CDH24: variants seen among roughly 807,000 people sequenced by gnomAD.
CDH24 encodes the protein cadherin 24, also known as cadherin-24.
Under a neutral mutation model 71.2 loss-of-function variants are expected in CDH24, and 61 were observed. The observed-to-expected ratio is 0.86, with a 90% CI of 0.70 to 1.06. The LOEUF is 1.06. Among genes scored for constraint, CDH24 ranks in the 50% least tolerant of loss-of-function variants. The pLI is 0.00. For missense variants in CDH24, 961 were observed against 1,083.7 expected (o/e 0.89, Z 1.59); for synonymous variants, 440 against 470.2 (o/e 0.94, Z 0.83).
Position 23,049,070 on chromosome 14 carries a change from G to A in CDH24, c.1803C>T (p.Thr601=), listed in dbSNP as rs778969842. Residue 601 remains threonine (T), a synonymous_variant, in exon 11 of 13, where the codon ACC becomes ACT. Coordinates refer to ENST00000487137, the MANE Select transcript of CDH24 (RefSeq NM_144985.4). Reference sequence around the variant, plus strand: ...AGGTGATGATGGCAAGCAGGGCGCCGGTGCTGAGCCCAGCAGCTGAGAGGT... The same window carrying A: ...AGGTGATGATGGCAAGCAGGGCGCCAGTGCTGAGCCCAGCAGCTGAGAGGT... ...EAHLSAAGLS[T]GALLAIITCV... 9.6e-5 allele frequency: 154 copies of A among 1,612,522 alleles called. No homozygotes were observed. Among genetic ancestry groups the A allele is most frequent in the Non-Finnish European group, 1.2e-4 (142 of 1,179,876 alleles).
rs1408563914 is a variant in CDH24, at chr14:23,050,011, T to C, written c.1364-68A>G. ...CACAGTTTACACGTAACATATGTGG[T>C]GCATGGGCATGGATGCCACATGAAG... On this transcript the variant is annotated intron_variant, in intron 8 of 12. Transcript: ENST00000487137. 1.9e-6 allele frequency: 3 copies of C among 1,572,390 alleles called. No homozygotes were observed. In the East Asian group the frequency reaches 6.8e-5, roughly 36 times the overall value.
In CDH24 at chr14:23,055,723, A is replaced by G; in HGVS notation, c.11T>C (p.Leu4Pro). The change falls in exon 2 of 13, where the codon CTG (leucine) becomes CCG (proline). Residue 4 changes from leucine (L) to proline (P), a missense_variant. Transcript: ENST00000487137. This position sits in a 1 kb window ranked among gnomAD's most constrained non-coding sequence, Gnocchi z 4.1. MWG[L>P]VRLLLAWLGG... ...CAGCCAGGCCAGCAGGAGCCTCACC[A>G]GGCCCCACATGTTTGGACTCCAGCC... 1 of 1,585,726 alleles carries G rather than the reference A, an allele frequency of 6.3e-7. No homozygotes were observed. The highest frequency in any genetic ancestry group is 8.5e-7 in the Non-Finnish European group (1 of 1,171,056).
In CDH24 at chr14:23,054,632, G is replaced by T. The variant is rs146656935; in HGVS notation, c.658C>A (p.Gln220Lys). Reference protein sequence around the residue: ...TAIPNMDRETQEEFLVVIQAK... With the variant: ...TAIPNMDRETKEEFLVVIQAK... ...TGGATCACCACCAAGAACTCCTCCT[G>T]TGTCTCCCGGTCCATGTTGGGGATG... The change falls in exon 5 of 13, where the codon CAG becomes AAG. Residue 220 changes from glutamine (Q) to lysine (K), a missense_variant. Around this residue, in one of 2 missense-constraint regions of CDH24, gnomAD observed 671 missense variants for 810.9 expected, o/e 0.83. Transcript: ENST00000487137. The surrounding 1 kb of genome is among the most constrained non-coding windows in gnomAD (Gnocchi z 5.2). 11 of 1,614,078 alleles carry T rather than the reference G, an allele frequency of 6.8e-6. No homozygotes were observed. The highest frequency in any genetic ancestry group is 9.3e-6 in the Non-Finnish European group (11 of 1,179,990).
rs779130043 is a variant in CDH24 at position 23,051,979 on chromosome 14, T to C, written c.1363+494A>G. The C allele has an allele frequency of 1.3e-6, 2 of 1,569,692 alleles. No individual in the cohort carries two copies. The highest frequency in any genetic ancestry group is 1.7e-6 in the Non-Finnish European group (2 of 1,154,394). ...GTGTCCACTCCCCTACCTTGGGGGA[T>C]TCCCACAGCGCTTCCAACAGGGCTT... is the stretch of plus-strand genomic sequence containing the variant. On this transcript the variant is annotated intron_variant, in intron 8 of 12. Transcript: ENST00000487137. This position sits in a 1 kb window ranked among gnomAD's most constrained non-coding sequence, Gnocchi z 4.4.
rs201573362 is a variant in CDH24, at chr14:23,049,141, G to T, written c.1732C>A (p.Arg578Ser). The T allele has an allele frequency of 6.3e-7, 1 of 1,599,384 alleles. No individual in the cohort carries two copies. The highest frequency in any genetic ancestry group is 2.3e-5 in the East Asian group (1 of 44,006). ...STATVTVSVC[R>S]CQPDGSVASC... The stretch of plus-strand genomic sequence containing the variant: ...GCCACAGAGCCGTCAGGCTGGCAGC[G>T]GCACACACTAACAGTCACTGTGGCA... Residue 578 changes from arginine to serine, a missense_variant, in exon 11 of 13, where the codon CGC becomes AGC. Physicochemically the swap from Arg to Ser is moderately radical, Grantham distance 110. Coordinates refer to ENST00000487137, the MANE Select transcript of CDH24 (RefSeq NM_144985.4).
Position 23,051,988 on chromosome 14 carries a change from C to T in CDH24, c.1363+485G>A, listed in dbSNP as rs777200420. The T allele has an allele frequency of 1.3e-5, 21 of 1,580,256 alleles. No homozygotes were observed. The highest frequency in any genetic ancestry group is 1.2e-4 in the East Asian group (5 of 43,450). Reference sequence around the variant, plus strand: ...CCCCTACCTTGGGGGATTCCCACAGCGCTTCCAACAGGGCTTCTCTGGGGT... The same window carrying T: ...CCCCTACCTTGGGGGATTCCCACAGTGCTTCCAACAGGGCTTCTCTGGGGT... On this transcript the variant is annotated intron_variant, in intron 8 of 12. Coordinates refer to ENST00000487137, the MANE Select transcript of CDH24 (RefSeq NM_144985.4). The surrounding 1 kb of genome is among the most constrained non-coding windows in gnomAD (Gnocchi z 4.4).
rs1320617385 is a variant in CDH24 at position 23,053,732 on chromosome 14, G to A, written c.990C>T (p.Ser330=). The A allele has an allele frequency of 2.5e-6, 4 of 1,607,172 alleles. No individual in the cohort carries two copies. Among genetic ancestry groups the A allele is most frequent in the African/African-American group, 2.7e-5 (2 of 74,870 alleles). Residue 330 remains serine, a synonymous_variant, in exon 7 of 13, where the codon AGC becomes AGT. Transcript: ENST00000487137. ...LTVRKPLDFE[S]QRSYSFRVEA... is the part of the protein sequence containing the mutation. The stretch of plus-strand genomic sequence containing the variant: ...CGACACGGAAGGAGTAGGAGCGCTG[G>A]CTCTCAAAGTCTAGGGGCTATGGTG...
rs188267728 is a variant in CDH24 at position 23,050,081 on chromosome 14, C to T, written c.1364-138G>A. The stretch of plus-strand genomic sequence containing the variant: ...ACACATGAAATATGCATGTAATGTA[C>T]AGGTAGAAAACAATGTTGCAGAATG... On this transcript the variant is annotated intron_variant, in intron 8 of 12. Transcript: ENST00000487137. 48 of 1,224,008 alleles carry T rather than the reference C, an allele frequency of 3.9e-5. No individual in the cohort carries two copies. In the Admixed American group the frequency reaches 7.6e-4, roughly 19 times the overall value. The allele number at this position is 1,224,008 out of a possible 1,614,324, so 75.8% of individuals were successfully genotyped here. A position where few individuals can be genotyped will look rare whatever the true frequency, so the allele number is the denominator to read the frequency against.
At chr14:23,049,329 T>C (rs1436835694) in intron 10 of CDH24, 54 bp from the exon 11 acceptor site, 1 of 1,504,994 alleles carries the variant, frequency 6.6e-7, no homozygotes, top group Non-Finnish European at 8.9e-7. Flanking sequence ...CCAGGTAGGG[T>C]TGGTCCAGCC....
chr14:23,050,518 C>CAT (rs997739216), intron 8 of CDH24, among the ~76,000 whole-genome samples: 8 of 151,770 alleles, frequency 5.3e-5, no homozygotes, highest in African/African-American at 1.9e-4. Flanking sequence ...CACACACACA[C>CAT]ACACACACAC....
Position 23,047,729 on chromosome 14 carries a change from A to C in CDH24, c.*251T>G. 6.1e-6 allele frequency: 2 copies of C among 329,688 alleles called. No homozygotes were observed. The highest frequency in any genetic ancestry group is 1.1e-5 in the Non-Finnish European group (2 of 181,936). 20.4% of individuals were successfully genotyped at this position (329,688 alleles called of 1,614,324 possible). On this transcript the variant is annotated 3_prime_UTR_variant, in exon 12 of 13. Transcript: ENST00000487137. Reference sequence around the variant, plus strand: ...GAGATCGCAGGGCCAGGGCCAGGGCAGGAAACCCAGGCCCGGACAGAGGAG... The same window carrying C: ...GAGATCGCAGGGCCAGGGCCAGGGCCGGAAACCCAGGCCCGGACAGAGGAG...
chr14:23,055,452 G>C lies in CDH24; in HGVS notation c.201+81C>G. The C allele has an allele frequency of 6.3e-7, 1 of 1,588,278 alleles. No individual in the cohort carries two copies. Among genetic ancestry groups the C allele is most frequent in the Non-Finnish European group, 8.6e-7 (1 of 1,163,792 alleles). ...AGCGTTGGGAGTCCTGAGGGACCAA[G>C]GTCATTGCAGAAGTGATGAAGTTGC... On this transcript the variant is annotated intron_variant, in intron 2 of 12. Coordinates refer to ENST00000487137, the MANE Select transcript of CDH24 (RefSeq NM_144985.4). This position sits in a 1 kb window ranked among gnomAD's most constrained non-coding sequence, Gnocchi z 4.1.
At chr14:23,048,885 G>A (rs1364541560) in intron 11 of CDH24, 142 bp downstream of exon 11, 1 of 873,724 alleles carries the variant, frequency 1.1e-6, no homozygotes, top group Non-Finnish European at 1.7e-6. Context: ...TTTTCTCTTG[G>A]ATGCATCAGG....
At position 23,048,035 on chromosome 14, in the gene CDH24, G is replaced by A. The variant is rs1292366081; in HGVS notation, c.2291C>T (p.Pro764Leu). The change falls in exon 12 of 13, where the codon CCG becomes CTG. Residue 764 changes from proline (P) to leucine (L), a missense_variant. This residue lies in a region of CDH24 where 290 missense variants were observed against 272.8 expected (regional missense o/e 1.06). Transcript: ENST00000487137. ...GPAEPLDDWG[P>L]LFRTLAELYG... ...CAGCTCGGCCAGGGTGCGGAAGAGC[G>A]GACCCCAGTCGTCCAGCGGCTCCGC... The A allele has an allele frequency of 5.5e-6, 8 of 1,448,970 alleles. No individual in the cohort carries two copies. Among genetic ancestry groups the A allele is most frequent in the Non-Finnish European group, 7.2e-6 (8 of 1,106,130 alleles). The allele number at this position is 1,448,970 out of a possible 1,614,324, so 89.8% of individuals were successfully genotyped here. A position where few individuals can be genotyped will look rare whatever the true frequency, so the allele number is the denominator to read the frequency against.
chr14:23,049,420 G>T, intron 10 of CDH24, 145 bp from the exon 11 acceptor site: 1 of 825,814 alleles, frequency 1.2e-6, no homozygotes, highest in Non-Finnish European at 1.9e-6. Context: ...TTCCCATAGA[G>T]CCAGCCCATA....
intron 8 of CDH24, among the ~76,000 whole-genome samples, chr14:23,050,748 AGT>A (rs1164050904): frequency 6.6e-6 from 1 of 152,198 alleles, no homozygotes; most frequent in African/African-American, 2.4e-5. Flanking sequence ...GAGAATGCAA[AGT>A]GTGTCTCCCT....
Position 23,054,820 on chromosome 14 carries a change from G to A in CDH24, c.543C>T (p.Ser181=), listed in dbSNP as rs761719089. ...ACACCAGCTTGGCACTGTTCCCATAGCTGGGGTCATCAGCATCGTGAGCAG... is the reference window on the plus strand; with the variant it reads ...ACACCAGCTTGGCACTGTTCCCATAACTGGGGTCATCAGCATCGTGAGCAG... ...QVTAHDADDP[S]YGNSAKLVYT... The change falls in exon 4 of 13, where the codon AGC becomes AGT. Residue 181 remains serine (S), a synonymous_variant. Transcript: ENST00000487137. The surrounding 1 kb of genome is among the most constrained non-coding windows in gnomAD (Gnocchi z 5.2). The A allele has an allele frequency of 6.2e-7, 1 of 1,613,932 alleles. No homozygotes were observed. The highest frequency in any genetic ancestry group is 8.5e-7 in the Non-Finnish European group (1 of 1,180,014).
intron 7 of CDH24, among the ~76,000 whole-genome samples, 183 bp from the exon 8 acceptor site, chr14:23,052,792 A>T (rs1192849909): frequency 1.3e-5 from 2 of 151,750 alleles, no homozygotes; most frequent in Non-Finnish European, 2.9e-5. Context: ...ACCATTAAAC[A>T]CCTGTTAAGA....
intron 6 of CDH24, 120 bp from the exon 7 acceptor site, chr14:23,053,869 A>ACT: frequency 1.9e-6 from 2 of 1,071,326 alleles, no homozygotes; most frequent in Non-Finnish European, 2.6e-6. Context: ...TCATGTGAGG[A>ACT]GAGGTGGCAC....
Sources: allele counts gnomAD v4.1 joint callset (sites outside exome capture counted in the v4.1 genomes callset), GRCh38; gene constraint gnomAD v4.1.1; regional missense constraint gnomAD v4.1.1; non-coding constraint Gnocchi (gnomAD v3.1); transcripts MANE v1.5; gene names NCBI Gene and HGNC (gene_info 2026-07-23, HGNC 2026-07-21).